The following MCTP1 variants were observed in gnomAD, a reference collection of about 807,000 sequenced individuals.
MCTP1 encodes multiple C2 and transmembrane domain-containing protein 1.
Under a neutral mutation model 120.6 loss-of-function variants are expected in MCTP1, and 69 were observed. That is an observed-to-expected ratio of 0.57 (90% CI 0.47 to 0.70). MCTP1 has a LOEUF of 0.70. MCTP1 is among the 30% of genes least tolerant of loss of function. MCTP1 has a pLI of 0.00. For missense variants in MCTP1, 1,203 were observed against 1,248.8 expected (o/e 0.96, Z 0.55); for synonymous variants, 529 against 493.1 (o/e 1.07, Z -0.96).
At chr5:94,866,404 C>CT (rs1236645151) in intron 17 of MCTP1, among the ~76,000 whole-genome samples, 2 of 151,774 alleles carry the variant, frequency 1.3e-5, no homozygotes, top group Admixed American at 6.6e-5. Context: ...TTCAGAGCTT[C>CT]TTTTTTCCAG....
At chr5:94,859,572 G>C (rs769297550) in intron 17 of MCTP1, among the ~76,000 whole-genome samples, 1 of 151,542 alleles carries the variant, frequency 6.6e-6, no homozygotes, top group Non-Finnish European at 1.5e-5. Context: ...AAATATGTAC[G>C]ATTATTTTGT....
intron 1 of MCTP1, among the ~76,000 whole-genome samples, chr5:95,023,809 T>C (rs894417939): frequency 1.2e-4 from 19 of 152,188 alleles, no homozygotes; most frequent in African/African-American, 4.6e-4. Context: ...GGCTCACATA[T>C]ATTAAAAGCT....
chr5:94,926,396 TAC>T (rs1478172581), intron 6 of MCTP1, among the ~76,000 whole-genome samples: 4 of 151,320 alleles, frequency 2.6e-5, no homozygotes, highest in Admixed American at 2.0e-4. Flanking sequence ...AATAAATAAA[TAC>T]ACAAACAAAT....
chr5:94,896,766 G>C (rs1489960077), intron 10 of MCTP1, among the ~76,000 whole-genome samples: 2 of 152,100 alleles, frequency 1.3e-5, no homozygotes, highest in Non-Finnish European at 2.9e-5. Flanking sequence ...ATTAGTTACT[G>C]TTCCCCATAC....
In MCTP1 at chr5:94,819,640, A is replaced by G. The variant is rs145227097; in HGVS notation, c.2437-20508T>C. ...AGGTCCAATGTGGCCATCCTGTTAA[A>G]AAGAGGTGATTATTTATTCTCCAAA... On this transcript the variant is annotated intron_variant, in intron 17 of 22. Coordinates refer to ENST00000515393, the MANE Select transcript of MCTP1 (RefSeq NM_024717.7). Among the ~76,000 whole-genome samples the G allele has an allele frequency of 3.1e-3, 471 of 152,284 alleles. 4 individuals carry two copies. The highest frequency in any genetic ancestry group is 0.011 in the African/African-American group (456 of 41,566).
At chr5:94,981,823 A>G (rs1829476887) in intron 2 of MCTP1, among the ~76,000 whole-genome samples, 2 of 152,168 alleles carry the variant, frequency 1.3e-5, no homozygotes, top group African/African-American at 2.4e-5. Flanking sequence ...TAGAAAGTGA[A>G]TGAAAGGAGA....
rs541413648 is a variant in MCTP1 at position 94,755,042 on chromosome 5, C to A, written c.2610+24068G>T. ...AGCCCCAGGGAGGCCTTGACAGTGA[C>A]TTGGGCATTTGTCCATTTGGCTCAT... On this transcript the variant is annotated intron_variant, in intron 19 of 22. Transcript: ENST00000515393. 1.3e-4 allele frequency among the ~76,000 whole-genome samples: 20 copies of A among 152,334 alleles called. No individual in the cohort carries two copies. The South Asian group carries it at 3.1e-3, about 24-fold the overall frequency.
At chr5:95,049,653 C>G (rs893360923) in intron 1 of MCTP1, among the ~76,000 whole-genome samples, 2 of 152,146 alleles carry the variant, frequency 1.3e-5, no homozygotes, top group African/African-American at 4.8e-5. Flanking sequence ...TCACTTAGCC[C>G]TCTATATAGT....
chr5:95,264,570 C>A (rs1758728865), intron 1 of MCTP1, among the ~76,000 whole-genome samples: 1 of 152,180 alleles, frequency 6.6e-6, no homozygotes, highest in Non-Finnish European at 1.5e-5. Context: ...TATCTGCCTG[C>A]CCACAGCAAT....
intron 2 of MCTP1, among the ~76,000 whole-genome samples, chr5:94,960,634 G>A (rs960786568): frequency 4.6e-5 from 7 of 152,122 alleles, no homozygotes; most frequent in African/African-American, 1.7e-4. Flanking sequence ...TTCAAAAGAA[G>A]ACATTGACGT....
chr5:95,237,480 C>T (rs1472411717), intron 1 of MCTP1, among the ~76,000 whole-genome samples: 2 of 152,136 alleles, frequency 1.3e-5, no homozygotes, highest in South Asian at 2.1e-4. Flanking sequence ...CCTCTAGGCA[C>T]GACTGAGATA....
intron 1 of MCTP1, among the ~76,000 whole-genome samples, chr5:95,229,033 AAC>A (rs1754621453): frequency 6.6e-6 from 1 of 152,198 alleles, no homozygotes; most frequent in Non-Finnish European, 1.5e-5. Context: ...TAGAGAAGAA[AAC>A]AGAGGGTGTC....
At chr5:94,830,472 A>G (rs979716173) in intron 17 of MCTP1, among the ~76,000 whole-genome samples, 1 of 152,226 alleles carries the variant, frequency 6.6e-6, no homozygotes, top group Non-Finnish European at 1.5e-5. Context: ...CTACAGAGTA[A>G]GAGATGACAC....
intron 1 of MCTP1, among the ~76,000 whole-genome samples, chr5:95,260,465 G>T (rs1212036294): frequency 6.6e-6 from 1 of 152,154 alleles, no homozygotes; most frequent in Admixed American, 6.5e-5. Flanking sequence ...TCCAGACTGC[G>T]CAAAAGCATC....
At chr5:94,841,344 T>C (rs774018961) in intron 17 of MCTP1, among the ~76,000 whole-genome samples, 13 of 152,190 alleles carry the variant, frequency 8.5e-5, no homozygotes, top group Non-Finnish European at 1.6e-4. Flanking sequence ...GGCATTTCGA[T>C]TGGAAAAGTT....
intron 1 of MCTP1, chr5:95,068,837 A>C (rs867286734): frequency 7.9e-7 from 1 of 1,261,630 alleles, no homozygotes; most frequent in South Asian, 1.3e-5. Flanking sequence ...GGTCTGCCAA[A>C]GAAATTATAA....
intron 17 of MCTP1, among the ~76,000 whole-genome samples, chr5:94,821,389 T>C (rs1408342215): frequency 6.6e-6 from 1 of 152,162 alleles, no homozygotes; most frequent in Non-Finnish European, 1.5e-5. Flanking sequence ...TCATCGACCT[T>C]CTGGGAAACA....
At chr5:95,158,423 A>C (rs996234663) in intron 1 of MCTP1, among the ~76,000 whole-genome samples, 2 of 152,228 alleles carry the variant, frequency 1.3e-5, no homozygotes, top group Non-Finnish European at 2.9e-5. Flanking sequence ...TAAAAATGGA[A>C]ATACAAAAGG....
intron 17 of MCTP1, among the ~76,000 whole-genome samples, chr5:94,861,416 T>C (rs1795760398): frequency 6.6e-6 from 1 of 151,834 alleles, no homozygotes; most frequent in South Asian, 2.1e-4. Flanking sequence ...TCTGCTCCTA[T>C]TTCTTAATTT....
Sources: gnomAD v4.1 joint callset for allele counts (sites outside exome capture counted in the v4.1 genomes callset) on GRCh38, gnomAD v4.1.1 for gene constraint, MANE v1.5 for transcripts, NCBI Gene and HGNC (gene_info 2026-07-23, HGNC 2026-07-21) for gene names.